Variants in EAF1 observed in about 807,000 individuals in gnomAD.
EAF1 encodes the protein ELL-associated factor 1.
In EAF1, 19 loss-of-function variants were observed where a neutral mutation model predicts 26.6. The ratio of observed to expected loss-of-function variants is 0.71; its 90% CI spans 0.50 to 1.05. The LOEUF (loss-of-function observed/expected upper bound fraction) is 1.05. Ranked by LOEUF, EAF1 falls within the 50% of genes least tolerant of loss-of-function variation. The probability of loss-of-function intolerance (pLI) is 0.00; values close to 1 mark genes in which losing one functional copy is unlikely to be tolerated. For missense variants in EAF1, 260 were observed against 335.5 expected, an observed-to-expected ratio of 0.78 and a Z score of 1.76; for synonymous variants, 102 against 120.6, an observed-to-expected ratio of 0.85 and a Z score of 1.01.
chr3:15,439,105 A>G lies in EAF1; in HGVS notation c.761-4A>G. ...GATTTTACTTTATTTTTTTTTTTAA[A>G]TAGGAAATGACTTGCAGTTGAGTGA... On this transcript the variant is annotated splice_region_variant and splice_polypyrimidine_tract_variant and intron_variant, in intron 5 of 5. Coordinates refer to ENST00000396842, the MANE Select transcript of EAF1 (RefSeq NM_033083.7). 2 of 1,606,786 alleles carry G rather than the reference A, an allele frequency of 1.2e-6. No homozygotes were observed. Among genetic ancestry groups the G allele is most frequent in the Non-Finnish European group, 8.5e-7 (1 of 1,177,394 alleles).
chr3:15,439,815 C>T lies in EAF1; in HGVS notation c.*660C>T, dbSNP rs1183238372. ...CTGGCTTGTGGCCAGTCTCCTGCCC[C>T]CTCTCTGGGCTTTCCTCACTGTTCT... On this transcript the variant is annotated 3_prime_UTR_variant, in exon 6 of 6. Coordinates refer to ENST00000396842, the MANE Select transcript of EAF1 (RefSeq NM_033083.7). The T allele has an allele frequency of 6.6e-6, 1 of 152,206 alleles. No homozygotes were observed. The highest frequency in any genetic ancestry group is 2.4e-5 in the African/African-American group (1 of 41,442). The allele number at this position is 152,206 out of a possible 1,614,324, so 9.4% of individuals were successfully genotyped here.
In EAF1 at chr3:15,442,159, T is replaced by G. The variant is rs1444871079; in HGVS notation, c.*3004T>G. On this transcript the variant is annotated 3_prime_UTR_variant, in exon 6 of 6. Coordinates refer to ENST00000396842, the MANE Select transcript of EAF1 (RefSeq NM_033083.7). ...TATGTGCTTTGGTTGTAGGAAAACT[T>G]GAAAATTCCAAAATCCTTATTTTCC... is the stretch of plus-strand genomic sequence containing the variant. 6.6e-6 allele frequency: 1 copy of G among 152,550 alleles called. No homozygotes were observed. Among genetic ancestry groups the G allele is most frequent in the Non-Finnish European group, 1.5e-5 (1 of 68,040 alleles). 9.4% of individuals were successfully genotyped at this position (152,550 alleles called of 1,614,324 possible). A position where few individuals can be genotyped will look rare whatever the true frequency, so the allele number is the denominator to read the frequency against.
intron 5 of EAF1, among the ~76,000 whole-genome samples, chr3:15,437,613 A>G (rs1278021344): frequency 6.6e-6 from 1 of 152,186 alleles, no homozygotes. Context: ...GTTGATACTA[A>G]AGTAAAACAG....
In EAF1 at chr3:15,439,314, G is replaced by C; in HGVS notation, c.*159G>C. ...CTCACATATTCAAGTCTTTAACTTAGTGGTGATGGGTGATTTTCTCGTGTC... is the reference window on the plus strand; with the variant it reads ...CTCACATATTCAAGTCTTTAACTTACTGGTGATGGGTGATTTTCTCGTGTC... On this transcript the variant is annotated 3_prime_UTR_variant, in exon 6 of 6. Coordinates refer to ENST00000396842, the MANE Select transcript of EAF1 (RefSeq NM_033083.7). 1 of 547,134 alleles carries C rather than the reference G, an allele frequency of 1.8e-6. No homozygotes were observed. The highest frequency in any genetic ancestry group is 3.1e-6 in the Non-Finnish European group (1 of 318,700). The allele number at this position is 547,134 out of a possible 1,614,324, so 33.9% of individuals were successfully genotyped here. A position where few individuals can be genotyped will look rare whatever the true frequency, so the allele number is the denominator to read the frequency against.
In EAF1 at chr3:15,427,706, A is replaced by T; in HGVS notation, c.-74A>T. On this transcript the variant is annotated 5_prime_UTR_variant, in exon 1 of 6. Coordinates refer to ENST00000396842, the MANE Select transcript of EAF1 (RefSeq NM_033083.7). ...TGGCCCGGAAGCACAGTCCTCCCAG[A>T]CGCCAGCGCCAGAAGCTCGGATCGC... 6.8e-7 allele frequency: 1 copy of T among 1,468,452 alleles called. No homozygotes were observed. Among genetic ancestry groups the T allele is most frequent in the Admixed American group, 2.0e-5 (1 of 50,450 alleles). 91.0% of individuals were successfully genotyped at this position (1,468,452 alleles called of 1,614,324 possible).
At chr3:15,428,024 C>G in intron 1 of EAF1, 142 bp downstream of exon 1, 1 of 664,854 alleles carries the variant, frequency 1.5e-6, no homozygotes, top group Non-Finnish European at 2.6e-6. Flanking sequence ...ACCCCAAATC[C>G]TTTGGGACAT....
chr3:15,436,048 A>T (rs927941128), intron 4 of EAF1: 1 of 201,428 alleles, frequency 5.0e-6, no homozygotes, highest in South Asian at 1.5e-4. Flanking sequence ...CTTTTAGTAG[A>T]TAAAGGCAAA....
At chr3:15,438,978 A>G (rs1032098870) in intron 5 of EAF1, 131 bp from the exon 6 acceptor site, 2 of 811,916 alleles carry the variant, frequency 2.5e-6, no homozygotes, top group South Asian at 3.8e-5. Context: ...TTTCTTCCCT[A>G]AGTTGAATTA....
rs984975137 is a variant in EAF1, at chr3:15,442,543, G to A, written c.*3388G>A. ...TTTACATTTATGTAAAATATTTGCT[G>A]TGTAAAGTATTTTTTGTTTATTCTC... is the stretch of plus-strand genomic sequence containing the variant. On this transcript the variant is annotated 3_prime_UTR_variant, in exon 6 of 6. Coordinates refer to ENST00000396842, the MANE Select transcript of EAF1 (RefSeq NM_033083.7). The A allele has an allele frequency of 1.3e-4, 20 of 152,500 alleles. No homozygotes were observed. Among genetic ancestry groups the A allele is most frequent in the African/African-American group, 4.8e-4 (20 of 41,446 alleles). The allele number at this position is 152,500 out of a possible 1,614,324, so 9.4% of individuals were successfully genotyped here. A position where few individuals can be genotyped will look rare whatever the true frequency, so the allele number is the denominator to read the frequency against.
chr3:15,430,035 T>G, intron 2 of EAF1, 28 bp downstream of exon 2: 1 of 1,378,776 alleles, frequency 7.3e-7, no homozygotes, highest in Admixed American at 2.0e-5. Flanking sequence ...TTTTTTTTAA[T>G]GTAAGATCAC....
intron 4 of EAF1, 194 bp from the exon 5 acceptor site, chr3:15,436,148 G>T (rs547373857): frequency 1.1e-5 from 5 of 438,448 alleles, no homozygotes; most frequent in Admixed American, 1.1e-4. Flanking sequence ...TGTTTCCATT[G>T]TGTCTCTGGA....
chr3:15,427,744 AGAGC>A lies in EAF1; in HGVS notation c.-34_-31del. The A allele has an allele frequency of 6.5e-7, 1 of 1,542,512 alleles. No individual in the cohort carries two copies. Among genetic ancestry groups the A allele is most frequent in the Non-Finnish European group, 8.8e-7 (1 of 1,139,848 alleles). The stretch of plus-strand genomic sequence containing the variant: ...AAGCTCGGATCGCGGCTGCACCGGG[AGAGC>A]GCCGATCTGGGTGCGAGGCAGGTGC... On this transcript the variant is annotated 5_prime_UTR_variant, in exon 1 of 6. Transcript: ENST00000396842.
rs538354943 is a variant in EAF1 at position 15,442,580 on chromosome 3, C to CTA, written c.*3429_*3430dup. 1.7e-3 allele frequency: 263 copies of CTA among 151,834 alleles called. No individual in the cohort carries two copies. The highest frequency in any genetic ancestry group is 5.3e-3 in the African/African-American group (220 of 41,252). 9.4% of individuals were successfully genotyped at this position (151,834 alleles called of 1,614,324 possible). On this transcript the variant is annotated 3_prime_UTR_variant, in exon 6 of 6. Coordinates refer to ENST00000396842, the MANE Select transcript of EAF1 (RefSeq NM_033083.7). ...TTTTGTTTATTCTCTTAAAAGATCACTATATTTAAATAAAAGTGAAGGTCA... is the reference window on the plus strand; with the variant it reads ...TTTTGTTTATTCTCTTAAAAGATCACTATATATTTAAATAAAAGTGAAGGTCA...
chr3:15,439,761 T>G lies in EAF1; in HGVS notation c.*606T>G, dbSNP rs2061855274. 2 of 152,234 alleles carry G rather than the reference T, an allele frequency of 1.3e-5. No individual in the cohort carries two copies. The highest frequency in any genetic ancestry group is 4.1e-4 in the South Asian group (2 of 4,830). 9.4% of individuals were successfully genotyped at this position (152,234 alleles called of 1,614,324 possible). On this transcript the variant is annotated 3_prime_UTR_variant, in exon 6 of 6. Transcript: ENST00000396842. ...GGAGTCCTGCCAGCTCAACCTGTCATTTACAGACTAAGAAAGGGAAGTACA... is the reference window on the plus strand; with the variant it reads ...GGAGTCCTGCCAGCTCAACCTGTCAGTTACAGACTAAGAAAGGGAAGTACA...
At position 15,427,694 on chromosome 3, in the gene EAF1, C is replaced by A. The variant is rs1431377811; in HGVS notation, c.-86C>A. On this transcript the variant is annotated 5_prime_UTR_variant, in exon 1 of 6. Coordinates refer to ENST00000396842, the MANE Select transcript of EAF1 (RefSeq NM_033083.7). The stretch of plus-strand genomic sequence containing the variant: ...CTTCCAGAGCGGTGGCCCGGAAGCA[C>A]AGTCCTCCCAGACGCCAGCGCCAGA... 3 of 1,393,848 alleles carry A rather than the reference C, an allele frequency of 2.2e-6. No homozygotes were observed. The Admixed American group carries it at 6.1e-5, about 28-fold the overall frequency. 86.3% of individuals were successfully genotyped at this position (1,393,848 alleles called of 1,614,324 possible).
chr3:15,438,142 C>A (rs1452825217), intron 5 of EAF1, among the ~76,000 whole-genome samples: 3 of 152,122 alleles, frequency 2.0e-5, no homozygotes, highest in Admixed American at 2.0e-4. Context: ...GAGAACTGGC[C>A]TAGAGATTAG....
chr3:15,436,308 G>C (rs1443479454), intron 4 of EAF1, 34 bp from the exon 5 acceptor site: 1 of 1,533,214 alleles, frequency 6.5e-7, no homozygotes. Context: ...GAAAAGGGCT[G>C]CTGTGCTGAT....
Position 15,442,044 on chromosome 3 carries a change from A to G in EAF1, c.*2889A>G, listed in dbSNP as rs1204405624. On this transcript the variant is annotated 3_prime_UTR_variant, in exon 6 of 6. Transcript: ENST00000396842. ...TTGTGATTGAAGAAACTTAATACAA[A>G]TGAACTAGAGGTTTGTAATCATGCC... 1.1e-4 allele frequency: 17 copies of G among 152,630 alleles called. No individual in the cohort carries two copies. 9.5% of individuals were successfully genotyped at this position (152,630 alleles called of 1,614,324 possible).
rs921903485 is a variant in EAF1, at chr3:15,427,679, G to A, written c.-101G>A. The A allele has an allele frequency of 9.6e-6, 12 of 1,244,172 alleles. No individual in the cohort carries two copies. The African/African-American group carries it at 1.5e-4, about 16-fold the overall frequency. The allele number at this position is 1,244,172 out of a possible 1,614,324, so 77.1% of individuals were successfully genotyped here. A position where few individuals can be genotyped will look rare whatever the true frequency, so the allele number is the denominator to read the frequency against. On this transcript the variant is annotated 5_prime_UTR_variant, in exon 1 of 6. Coordinates refer to ENST00000396842, the MANE Select transcript of EAF1 (RefSeq NM_033083.7). ...CTCGGCTCTCCTTGTCTTCCAGAGC[G>A]GTGGCCCGGAAGCACAGTCCTCCCA...
Sources: gnomAD v4.1 joint callset for allele counts (sites outside exome capture counted in the v4.1 genomes callset) on GRCh38, gnomAD v4.1.1 for gene constraint, MANE v1.5 for transcripts, NCBI Gene and HGNC (gene_info 2026-07-23, HGNC 2026-07-21) for gene names.